SEMA3A: variants seen among roughly 807,000 people sequenced by gnomAD.
SEMA3A encodes semaphorin-3A.
In SEMA3A, 29 loss-of-function variants were observed where a neutral mutation model predicts 97.9. The observed-to-expected ratio is 0.30, with a 90% CI of 0.22 to 0.40. SEMA3A has a LOEUF of 0.40. Among genes scored for constraint, SEMA3A ranks in the 10% least tolerant of loss-of-function variants. The pLI is 1.00. For synonymous variants in SEMA3A, 321 were observed against 323.7 expected (o/e 0.99, Z 0.09); for missense variants, 763 against 951.3 (o/e 0.80, Z 2.60).
intron 2 of SEMA3A, among the ~76,000 whole-genome samples, chr7:84,333,841 T>G (rs1350416432): frequency 6.6e-6 from 1 of 150,888 alleles, no homozygotes; most frequent in Non-Finnish European, 1.5e-5. Context: ...GGAAGTTATT[T>G]TTAAATTTTA....
intron 1 of SEMA3A, among the ~76,000 whole-genome samples, chr7:84,167,184 T>C (rs1337925878): frequency 2.0e-5 from 3 of 152,042 alleles, no homozygotes; most frequent in Non-Finnish European, 2.9e-5. Flanking sequence ...GATTGAACCC[T>C]AGAAAGGTCA....
At chr7:84,464,517 A>G (rs1737012456) in intron 1 of SEMA3A, among the ~76,000 whole-genome samples, 1 of 152,198 alleles carries the variant, frequency 6.6e-6, no homozygotes, top group South Asian at 2.1e-4. Context: ...GAAGAAGTAA[A>G]TGAAAGAACG....
chr7:84,181,346 C>A (rs1797732895), intron 1 of SEMA3A, among the ~76,000 whole-genome samples: 1 of 149,100 alleles, frequency 6.7e-6, no homozygotes, highest in Non-Finnish European at 1.5e-5. Flanking sequence ...ATATAACACA[C>A]ATATACATGA....
At chr7:84,433,524 C>G (rs1805043717) in intron 1 of SEMA3A, among the ~76,000 whole-genome samples, 1 of 152,036 alleles carries the variant, frequency 6.6e-6, no homozygotes, top group Non-Finnish European at 1.5e-5. Context: ...GTGAACAGTG[C>G]TGGAATAAAC....
rs2116229519 is a variant in SEMA3A, at chr7:83,957,570, T to G, written c.*3801A>C. 1 of 152,200 alleles carries G rather than the reference T, an allele frequency of 6.6e-6. No individual in the cohort carries two copies. The highest frequency in any genetic ancestry group is 6.5e-5 in the Admixed American group (1 of 15,270). 9.4% of individuals were successfully genotyped at this position (152,200 alleles called of 1,614,324 possible). A position where few individuals can be genotyped will look rare whatever the true frequency, so the allele number is the denominator to read the frequency against. On this transcript the variant is annotated 3_prime_UTR_variant, in exon 17 of 17. Transcript: ENST00000265362. ...GTTACGTTGATTGCGAAACTGTCCT[T>G]ACTATATGGGCTGTCACATATGCTG...
intron 1 of SEMA3A, among the ~76,000 whole-genome samples, chr7:84,173,129 A>C (rs1324228109): frequency 6.6e-6 from 1 of 152,134 alleles, no homozygotes; most frequent in Admixed American, 6.5e-5. Flanking sequence ...CATAGTTATT[A>C]TTTAATATTT....
intron 5 of SEMA3A, among the ~76,000 whole-genome samples, chr7:84,055,161 G>C (rs1381725515): frequency 5.3e-5 from 8 of 152,120 alleles, no homozygotes; most frequent in Non-Finnish European, 1.2e-4. Context: ...CTTTTTGTTT[G>C]TCTGTGCCCT....
intron 1 of SEMA3A, among the ~76,000 whole-genome samples, chr7:84,477,337 G>A (rs535963226): frequency 7.4e-5 from 11 of 149,288 alleles, no homozygotes; most frequent in Non-Finnish European, 1.6e-4. Context: ...TACTCGGGAG[G>A]CTGAGGCAGG....
intron 1 of SEMA3A, among the ~76,000 whole-genome samples, chr7:84,418,252 G>A (rs189122367): frequency 4.6e-5 from 7 of 152,192 alleles, no homozygotes; most frequent in African/African-American, 1.7e-4. Flanking sequence ...CTGACTGGAA[G>A]GCTTCACAAT....
chr7:84,235,725 T>A (rs529214849), intron 3 of SEMA3A, among the ~76,000 whole-genome samples: 1 of 152,098 alleles, frequency 6.6e-6, no homozygotes, highest in African/African-American at 2.4e-5. Context: ...ATCAATGAGC[T>A]TATTATCCAA....
intron 4 of SEMA3A, among the ~76,000 whole-genome samples, chr7:84,066,473 G>A (rs1357854995): frequency 2.1e-5 from 3 of 144,696 alleles, no homozygotes; most frequent in Admixed American, 1.4e-4. Context: ...AAAAGAGGAA[G>A]TCAAATTGTC....
chr7:84,307,894 GT>G (rs1801200330), intron 2 of SEMA3A, among the ~76,000 whole-genome samples: 1 of 151,796 alleles, frequency 6.6e-6, no homozygotes, highest in South Asian at 2.1e-4. Flanking sequence ...TAGATGCTTT[GT>G]AACATTAATT....
chr7:83,961,933 T>C, intron 16 of SEMA3A, 107 bp from the exon 17 acceptor site: 1 of 731,140 alleles, frequency 1.4e-6, no homozygotes, highest in South Asian at 2.3e-5. Context: ...AGGCACATTT[T>C]AACAGTTAAT....
intron 5 of SEMA3A, among the ~76,000 whole-genome samples, chr7:84,050,522 T>C (rs1360425154): frequency 6.6e-6 from 1 of 152,164 alleles, no homozygotes; most frequent in East Asian, 1.9e-4. Context: ...GAGAAGTGTC[T>C]GTTCATGTCC....
Position 84,053,292 on chromosome 7 carries a change from G to A in SEMA3A, c.548-6849C>T, listed in dbSNP as rs1439650274. On this transcript the variant is annotated intron_variant, in intron 5 of 16. Coordinates refer to ENST00000265362, the MANE Select transcript of SEMA3A (RefSeq NM_006080.3). ...TGTTGACTTTCTGTCTCGTTGATCT[G>A]TCTAATGTTGACAGTGGGGTGTTGA... Among the ~76,000 whole-genome samples the A allele has an allele frequency of 3.7e-3, 405 of 108,680 alleles. 3 individuals carry two copies. Among genetic ancestry groups the A allele is most frequent in the African/African-American group, 0.01 (372 of 35,744 alleles). 71.3% of individuals were successfully genotyped at this position (108,680 alleles called of 152,430 possible).
chr7:84,222,911 T>A (rs1416127642), intron 3 of SEMA3A, among the ~76,000 whole-genome samples: 1 of 151,912 alleles, frequency 6.6e-6, no homozygotes, highest in Non-Finnish European at 1.5e-5. Flanking sequence ...ATGTAGAACA[T>A]AATTATCTGT....
In SEMA3A at chr7:83,956,078, T is replaced by C. The variant is rs966023345; in HGVS notation, c.*5293A>G. 2.0e-5 allele frequency: 3 copies of C among 152,252 alleles called. No individual in the cohort carries two copies. The highest frequency in any genetic ancestry group is 2.0e-4 in the Admixed American group (3 of 15,274). The allele number at this position is 152,252 out of a possible 1,614,324, so 9.4% of individuals were successfully genotyped here. ...TCATTTTTTAAAAAACTTTTTTGGT[T>C]TGTTTGTTTAAAATAATAGGAGTCT... On this transcript the variant is annotated 3_prime_UTR_variant, in exon 17 of 17. Transcript: ENST00000265362.
chr7:84,224,602 A>G (rs1798948319), intron 3 of SEMA3A, among the ~76,000 whole-genome samples: 1 of 152,090 alleles, frequency 6.6e-6, no homozygotes, highest in Non-Finnish European at 1.5e-5. Context: ...TCCATTAAAC[A>G]AGACAAAGTC....
intron 4 of SEMA3A, among the ~76,000 whole-genome samples, chr7:84,067,582 A>G (rs1044200600): frequency 6.6e-6 from 1 of 152,208 alleles, no homozygotes; most frequent in Non-Finnish European, 1.5e-5. Flanking sequence ...ACAAGAAAAA[A>G]ACAAACAACC....
Sources: allele counts gnomAD v4.1 joint callset (sites outside exome capture counted in the v4.1 genomes callset), GRCh38; gene constraint gnomAD v4.1.1; transcripts MANE v1.5; gene names NCBI Gene and HGNC (gene_info 2026-07-23, HGNC 2026-07-21).